Variants in CADPS2 observed in about 807,000 individuals in gnomAD.
CADPS2 encodes calcium-dependent secretion activator 2.
In CADPS2, 93 loss-of-function variants were observed where a neutral mutation model predicts 172.5. The ratio of observed to expected loss-of-function variants is 0.54; its 90% CI spans 0.46 to 0.64. The LOEUF (loss-of-function observed/expected upper bound fraction) is 0.64. Ranked by LOEUF, CADPS2 falls within the 30% of genes least tolerant of loss-of-function variation. The pLI is 0.00. For synonymous variants in CADPS2, 546 were observed against 555.2 expected (o/e 0.98, Z 0.23); for missense variants, 1,420 against 1,565.9 (o/e 0.91, Z 1.57).
At chr7:122,492,762 C>T (rs528927674) in intron 9 of CADPS2, among the ~76,000 whole-genome samples, 4 of 151,910 alleles carry the variant, frequency 2.6e-5, no homozygotes, top group African/African-American at 9.7e-5. Context: ...GACAGTGGCA[C>T]GATTATGGCT....
intron 28 of CADPS2, among the ~76,000 whole-genome samples, chr7:122,327,306 GATATT>G (rs1489698038): frequency 6.6e-6 from 1 of 152,078 alleles, no homozygotes; most frequent in African/African-American, 2.4e-5. Flanking sequence ...AAGTATTGGT[GATATT>G]GAATATGAGT....
rs148896399 is a variant in CADPS2, at chr7:122,539,735, C to G, written c.1475+14815G>C. Among the ~76,000 whole-genome samples, 797 of 144,252 alleles carry G rather than the reference C, an allele frequency of 5.5e-3. 11 individuals carry two copies. Among genetic ancestry groups the G allele is most frequent in the Admixed American group, 0.015 (216 of 14,168 alleles). 94.6% of individuals were successfully genotyped at this position (144,252 alleles called of 152,430 possible). A position where few individuals can be genotyped will look rare whatever the true frequency, so the allele number is the denominator to read the frequency against. ...ATGTAAATCTTATAACTCTGCCTGT[C>G]TGTCCCTCTCTCTCTGTCTCTCTCT... On this transcript the variant is annotated intron_variant, in intron 8 of 29. Transcript: ENST00000449022.
At chr7:122,793,809 G>A (rs1795793969) in intron 1 of CADPS2, among the ~76,000 whole-genome samples, 1 of 152,076 alleles carries the variant, frequency 6.6e-6, no homozygotes, top group Admixed American at 6.6e-5. Flanking sequence ...AGGAGCTCTT[G>A]TAAGGCATGT....
intron 1 of CADPS2, among the ~76,000 whole-genome samples, chr7:122,841,490 C>T (rs1207927530): frequency 1.3e-5 from 2 of 152,064 alleles, no homozygotes; most frequent in South Asian, 2.1e-4. Flanking sequence ...AAACCTATAC[C>T]TTACTGTATA....
At chr7:122,882,363 G>A (rs1186789826) in intron 1 of CADPS2, among the ~76,000 whole-genome samples, 3 of 152,160 alleles carry the variant, frequency 2.0e-5, no homozygotes, top group African/African-American at 7.2e-5. Flanking sequence ...AAGGTTAGTA[G>A]GTTCTATTTT....
At position 122,491,426 on chromosome 7, in the gene CADPS2, C is replaced by G; in HGVS notation, c.1543-6G>C. 1.3e-6 allele frequency: 2 copies of G among 1,535,732 alleles called. No homozygotes were observed. The highest frequency in any genetic ancestry group is 1.8e-6 in the Non-Finnish European group (2 of 1,137,104). On this transcript the variant is annotated splice_region_variant and splice_polypyrimidine_tract_variant and intron_variant, in intron 9 of 29. Transcript: ENST00000449022. ...GCAAAGGTATATTGGCTAACCTGCT[C>G]GAGAAAAAAAAAGTTTACAGATTAG...
chr7:122,660,243 T>C (rs968222021), intron 3 of CADPS2, among the ~76,000 whole-genome samples: 8 of 152,196 alleles, frequency 5.3e-5, no homozygotes, highest in African/African-American at 1.7e-4. Context: ...GAGGAAGGAA[T>C]TGGATATACT....
chr7:122,843,221 C>A (rs961395266), intron 1 of CADPS2, among the ~76,000 whole-genome samples: 3 of 151,874 alleles, frequency 2.0e-5, no homozygotes, highest in Admixed American at 6.6e-5. Flanking sequence ...CTCAATCACA[C>A]ATCATAAGAG....
intron 28 of CADPS2, among the ~76,000 whole-genome samples, chr7:122,337,496 AGGCAATTG>A (rs562612847): frequency 1.1e-3 from 173 of 152,324 alleles, no homozygotes; most frequent in African/African-American, 3.9e-3. Flanking sequence ...AGTTTCTTTT[AGGCAATTG>A]GGCATGCTTA....
At chr7:122,419,794 A>G (rs1232494574) in intron 17 of CADPS2, among the ~76,000 whole-genome samples, 3 of 150,226 alleles carry the variant, frequency 2.0e-5, no homozygotes, top group Non-Finnish European at 2.9e-5. Flanking sequence ...AAATTTATTT[A>G]TGTATCAAAG....
At chr7:122,592,258 C>T (rs2070945868) in intron 6 of CADPS2, among the ~76,000 whole-genome samples, 1 of 152,068 alleles carries the variant, frequency 6.6e-6, no homozygotes, top group Non-Finnish European at 1.5e-5. Context: ...CACTGGCCAT[C>T]AGAGAAATGC....
intron 20 of CADPS2, among the ~76,000 whole-genome samples, chr7:122,404,122 C>T (rs1175475673): frequency 1.3e-5 from 2 of 152,114 alleles, no homozygotes; most frequent in Non-Finnish European, 2.9e-5. Flanking sequence ...AGGTATATCT[C>T]CTAATGCTAT....
chr7:122,699,434 T>C (rs2085674686), intron 2 of CADPS2, among the ~76,000 whole-genome samples: 1 of 151,996 alleles, frequency 6.6e-6, no homozygotes, highest in Non-Finnish European at 1.5e-5. Context: ...TCCAACAAAA[T>C]GGCAAGCTAA....
intron 1 of CADPS2, among the ~76,000 whole-genome samples, chr7:122,764,954 C>T (rs2093501383): frequency 1.3e-5 from 2 of 152,106 alleles, no homozygotes; most frequent in South Asian, 2.1e-4. Context: ...AATAACTTTG[C>T]TATTTCTGTA....
At chr7:122,595,294 T>C (rs925071348) in intron 6 of CADPS2, among the ~76,000 whole-genome samples, 5 of 152,048 alleles carry the variant, frequency 3.3e-5, no homozygotes, top group African/African-American at 9.7e-5. Context: ...CAGTTCAGCA[T>C]ATGAAAAGTA....
chr7:122,416,800 G>T (rs963453372), intron 17 of CADPS2, among the ~76,000 whole-genome samples: 3 of 152,270 alleles, frequency 2.0e-5, no homozygotes, highest in Admixed American at 2.0e-4. Flanking sequence ...AGCTGAACTG[G>T]TATAAAAAGG....
chr7:122,534,129 A>G (rs1034498003), intron 8 of CADPS2, among the ~76,000 whole-genome samples: 4 of 152,090 alleles, frequency 2.6e-5, no homozygotes, highest in Non-Finnish European at 5.9e-5. Flanking sequence ...AGGAGTCTGA[A>G]CATTTGCTGA....
intron 7 of CADPS2, among the ~76,000 whole-genome samples, chr7:122,561,458 CT>C (rs1162959218): frequency 1.3e-5 from 2 of 151,854 alleles, no homozygotes; most frequent in East Asian, 3.9e-4. Flanking sequence ...AGATTAGAAG[CT>C]TTGTTATTTG....
At chr7:122,865,633 G>A (rs760827118) in intron 1 of CADPS2, among the ~76,000 whole-genome samples, 8 of 152,136 alleles carry the variant, frequency 5.3e-5, no homozygotes, top group African/African-American at 1.9e-4. Context: ...GTCCTATTTC[G>A]CATGGTAGAA....
Sources: allele counts gnomAD v4.1 joint callset (sites outside exome capture counted in the v4.1 genomes callset), GRCh38; gene constraint gnomAD v4.1.1; transcripts MANE v1.5; gene names NCBI Gene and HGNC (gene_info 2026-07-23, HGNC 2026-07-21).